Variants in PARD3B observed in about 807,000 individuals in gnomAD.
PARD3B encodes partitioning defective 3 homolog B.
PARD3B carries 103 observed loss-of-function variants against 130.2 expected under a neutral mutation model. That is an observed-to-expected ratio of 0.79 (90% CI 0.67 to 0.93). PARD3B has a LOEUF of 0.93. PARD3B is among the 40% of genes least tolerant of loss of function. The probability of loss-of-function intolerance (pLI) is 0.00; values close to 1 mark genes in which losing one functional copy is unlikely to be tolerated. For synonymous variants in PARD3B, 583 were observed against 553.2 expected (o/e 1.05, Z -0.76); for missense variants, 1,609 against 1,499.2 (o/e 1.07, Z -1.21).
chr2:205,550,939 G>GTA lies in PARD3B; in HGVS notation c.3181-2384_3181-2383insAT, dbSNP rs1180732924. Reference sequence around the variant, plus strand: ...CATATAATTATGTGTGTGTGTGTGTGTGTATATATATATGTGTATATATAT... The same window carrying GTA: ...CATATAATTATGTGTGTGTGTGTGTGTATGTATATATATATGTGTATATATAT... On this transcript the variant is annotated intron_variant, in intron 21 of 22. Transcript: ENST00000406610. The surrounding 1 kb of genome is among the most constrained non-coding windows in gnomAD (Gnocchi z 4.5). Among the ~76,000 whole-genome samples the GTA allele has an allele frequency of 1.1e-3, 60 of 56,056 alleles. 2 individuals carry two copies. Among genetic ancestry groups the GTA allele is most frequent in the African/African-American group, 3.0e-3 (59 of 19,568 alleles). The allele number at this position is 56,056 out of a possible 152,430, so 36.8% of individuals were successfully genotyped here.
At chr2:204,963,175 G>T (rs2125850112) in intron 2 of PARD3B, among the ~76,000 whole-genome samples, 1 of 152,214 alleles carries the variant, frequency 6.6e-6, no homozygotes, top group East Asian at 1.9e-4. Flanking sequence ...GTGACCTTGG[G>T]AAACAAAACT....
At chr2:204,924,528 A>G (rs1436083674) in intron 2 of PARD3B, among the ~76,000 whole-genome samples, 3 of 152,096 alleles carry the variant, frequency 2.0e-5, no homozygotes, top group African/African-American at 7.2e-5. Flanking sequence ...TACTACTAAA[A>G]TTGTTAAAAA....
chr2:205,008,943 C>G (rs911518737), intron 3 of PARD3B, among the ~76,000 whole-genome samples: 14 of 152,010 alleles, frequency 9.2e-5, no homozygotes, highest in Non-Finnish European at 1.9e-4. Context: ...AAATTACCAT[C>G]CAGGCTACAC....
At chr2:205,462,071 TC>T (rs2048470892) in intron 20 of PARD3B, among the ~76,000 whole-genome samples, 2 of 152,204 alleles carry the variant, frequency 1.3e-5, no homozygotes, top group Admixed American at 1.3e-4. Context: ...TTTGAAGGAA[TC>T]ACATAATGGA....
At chr2:204,797,341 A>G (rs1215370284) in intron 2 of PARD3B, among the ~76,000 whole-genome samples, 1 of 152,112 alleles carries the variant, frequency 6.6e-6, no homozygotes, top group African/African-American at 2.4e-5. Flanking sequence ...ATTTTATTGT[A>G]TTTTATGTTT....
chr2:205,157,590 A>G (rs2034256283), intron 10 of PARD3B, among the ~76,000 whole-genome samples: 1 of 152,148 alleles, frequency 6.6e-6, no homozygotes. Flanking sequence ...TTCTGATTTT[A>G]TAGTTATATG....
intron 7 of PARD3B, 100 bp downstream of exon 7, chr2:205,119,146 G>A: frequency 7.1e-7 from 1 of 1,408,778 alleles, no homozygotes; most frequent in South Asian, 1.6e-5. Context: ...AGAATTTCTA[G>A]TCAGTTCCCT....
chr2:205,589,004 C>G lies in PARD3B; in HGVS notation c.3261-26452C>G, dbSNP rs1300433736. Among the ~76,000 whole-genome samples the G allele has an allele frequency of 1.3e-5, 2 of 152,198 alleles. No individual in the cohort carries two copies. Among genetic ancestry groups the G allele is most frequent in the Non-Finnish European group, 2.9e-5 (2 of 68,046 alleles). ...TAGTCTGCCATTCAAATAAGCATCT[C>G]TGGCTGGGCATGGTGGCTCATGCCC... On this transcript the variant is annotated intron_variant, in intron 22 of 22. Coordinates refer to ENST00000406610, the MANE Select transcript of PARD3B (RefSeq NM_001302769.2). This position sits in a 1 kb window ranked among gnomAD's most constrained non-coding sequence, Gnocchi z 4.1.
At chr2:205,106,173 G>A (rs1242413164) in intron 5 of PARD3B, among the ~76,000 whole-genome samples, 1 of 151,882 alleles carries the variant, frequency 6.6e-6, no homozygotes, top group East Asian at 1.9e-4. Flanking sequence ...TTGAGATGGA[G>A]TTTTGCTCTT....
At position 205,121,038 on chromosome 2, in the gene PARD3B, C is replaced by T. The variant is rs2030644333; in HGVS notation, c.807-553C>T. On this transcript the variant is annotated intron_variant, in intron 7 of 22. Coordinates refer to ENST00000406610, the MANE Select transcript of PARD3B (RefSeq NM_001302769.2). The surrounding 1 kb of genome is among the most constrained non-coding windows in gnomAD (Gnocchi z 5.0). ...ATGTTGGATTGAAATTCCACTGAGA[C>T]ATTTTGGCACAGCCAAAGCACCTGC... Among the ~76,000 whole-genome samples the T allele has an allele frequency of 6.6e-6, 1 of 152,206 alleles. No homozygotes were observed. The highest frequency in any genetic ancestry group is 2.1e-4 in the South Asian group (1 of 4,832).
At chr2:205,415,723 T>A (rs1004426469) in intron 19 of PARD3B, among the ~76,000 whole-genome samples, 16 of 152,116 alleles carry the variant, frequency 1.1e-4, no homozygotes, top group African/African-American at 3.1e-4. Context: ...TGTGCCTCAA[T>A]TCAAAGAAAT....
At chr2:205,520,328 C>T (rs1385768697) in intron 21 of PARD3B, among the ~76,000 whole-genome samples, 2 of 152,066 alleles carry the variant, frequency 1.3e-5, no homozygotes, top group African/African-American at 2.4e-5. Context: ...CTGTCCTCCT[C>T]TCCTTGGGTC....
chr2:204,666,706 A>G (rs1441739660), intron 1 of PARD3B, among the ~76,000 whole-genome samples: 2 of 152,066 alleles, frequency 1.3e-5, no homozygotes, highest in African/African-American at 2.4e-5. Flanking sequence ...GGAAACTATC[A>G]CCATTTGCTA....
intron 2 of PARD3B, among the ~76,000 whole-genome samples, chr2:204,956,846 G>T (rs977716537): frequency 1.3e-5 from 2 of 152,146 alleles, no homozygotes; most frequent in African/African-American, 2.4e-5. Context: ...CTGAAAATTT[G>T]TGTTATTCTG....
intron 2 of PARD3B, among the ~76,000 whole-genome samples, chr2:204,823,576 A>ACT (rs1004779648): frequency 2.4e-4 from 37 of 152,122 alleles, no homozygotes; most frequent in Non-Finnish European, 4.9e-4. Context: ...GTGGATGCAT[A>ACT]CTGGGGAGCT....
chr2:204,643,613 T>C (rs373201630), intron 1 of PARD3B, among the ~76,000 whole-genome samples: 140 of 151,208 alleles, frequency 9.3e-4, no homozygotes, highest in African/African-American at 3.3e-3. Context: ...TTTTTTGTGA[T>C]TTTTTTAAGC....
intron 2 of PARD3B, among the ~76,000 whole-genome samples, chr2:204,825,824 G>A (rs1462629072): frequency 1.3e-5 from 2 of 152,198 alleles, no homozygotes; most frequent in Non-Finnish European, 2.9e-5. Flanking sequence ...CAGCTGTTGT[G>A]TATAGAGTAA....
intron 2 of PARD3B, among the ~76,000 whole-genome samples, chr2:204,914,019 G>A (rs191023829): frequency 5.4e-4 from 82 of 152,266 alleles, no homozygotes; most frequent in Non-Finnish European, 1.0e-3. Context: ...TCTGTTGATG[G>A]TAGTGATGAG....
At chr2:205,022,005 A>T (rs1389006961) in intron 3 of PARD3B, among the ~76,000 whole-genome samples, 2 of 152,100 alleles carry the variant, frequency 1.3e-5, no homozygotes. Context: ...TTTCAAACAA[A>T]TTCAGTTTTT....
Sources: gnomAD v4.1 joint callset for allele counts (sites outside exome capture counted in the v4.1 genomes callset) on GRCh38, gnomAD v4.1.1 for gene constraint, Gnocchi (gnomAD v3.1) non-coding constraint, MANE v1.5 for transcripts, NCBI Gene and HGNC (gene_info 2026-07-23, HGNC 2026-07-21) for gene names.